DPP10: variants seen among roughly 807,000 people sequenced by gnomAD.
DPP10 encodes the protein inactive dipeptidyl peptidase 10.
Under a neutral mutation model 120.9 loss-of-function variants are expected in DPP10, and 33 were observed. That is an observed-to-expected ratio of 0.27 (90% CI 0.21 to 0.37). The LOEUF is 0.37. Among genes scored for constraint, DPP10 ranks in the 10% least tolerant of loss-of-function variants. The pLI is 1.00. For synonymous variants in DPP10, 337 were observed against 326.1 expected (o/e 1.03, Z -0.36); for missense variants, 816 against 942.8 (o/e 0.87, Z 1.76).
At chr2:115,309,041 CAGAG>C (rs1481463324) in intron 1 of DPP10, among the ~76,000 whole-genome samples, 194 bp from the exon 2 acceptor site, 2 of 151,886 alleles carry the variant, frequency 1.3e-5, no homozygotes, top group African/African-American at 2.4e-5. Flanking sequence ...GTTTATCTCA[CAGAG>C]AGAGCAGATT....
In DPP10 at chr2:115,792,844, A is replaced by G. The variant is rs530390925; in HGVS notation, c.1700+1488A>G. ...CAAGGAAGGGACATCCCTCAGGCAC[A>G]TCCTAGGCATCCCTCAGTATGTGAT... On this transcript the variant is annotated intron_variant, in intron 19 of 25. Coordinates refer to ENST00000410059, the MANE Select transcript of DPP10 (RefSeq NM_020868.6). 1.2e-4 allele frequency among the ~76,000 whole-genome samples: 18 copies of G among 152,312 alleles called. No individual in the cohort carries two copies. In the East Asian group the frequency reaches 3.5e-3, roughly 29 times the overall value.
At chr2:114,548,943 G>A (rs1330750840) in intron 1 of DPP10, among the ~76,000 whole-genome samples, 1 of 152,208 alleles carries the variant, frequency 6.6e-6, no homozygotes, top group African/African-American at 2.4e-5. Flanking sequence ...GCACTCTGAT[G>A]TGTGGCCTTA....
intron 1 of DPP10, among the ~76,000 whole-genome samples, chr2:115,206,485 T>G (rs1473000426): frequency 2.0e-5 from 3 of 152,196 alleles, no homozygotes; most frequent in Non-Finnish European, 2.9e-5. Context: ...AAACATTTGA[T>G]TTTGCTTAAA....
At chr2:115,218,274 AGGT>A (rs1339226140) in intron 1 of DPP10, among the ~76,000 whole-genome samples, 2 of 152,090 alleles carry the variant, frequency 1.3e-5, no homozygotes, top group Non-Finnish European at 2.9e-5. Flanking sequence ...AGTAGTTTTG[AGGT>A]TTTGGGAAAG....
intron 5 of DPP10, among the ~76,000 whole-genome samples, chr2:115,630,112 G>T (rs561270397): frequency 2.6e-5 from 4 of 151,970 alleles, no homozygotes; most frequent in Non-Finnish European, 4.4e-5. Flanking sequence ...CCTTGAAGAG[G>T]TCCTTCACCT....
At chr2:115,019,827 C>T (rs1702938841) in intron 1 of DPP10, among the ~76,000 whole-genome samples, 1 of 152,250 alleles carries the variant, frequency 6.6e-6, no homozygotes, top group Non-Finnish European at 1.5e-5. Flanking sequence ...TCAGCAGAAA[C>T]TCTATGAGCT....
At chr2:114,644,354 G>A (rs1695955561) in intron 1 of DPP10, among the ~76,000 whole-genome samples, 1 of 151,414 alleles carries the variant, frequency 6.6e-6, no homozygotes, top group Non-Finnish European at 1.5e-5. Flanking sequence ...GTGTGTGTGT[G>A]TGTGTGTGTG....
At chr2:115,333,571 C>T (rs62167296) in intron 2 of DPP10, among the ~76,000 whole-genome samples, 20 of 152,094 alleles carry the variant, frequency 1.3e-4, no homozygotes, top group Non-Finnish European at 2.8e-4. Flanking sequence ...CTGGTTGTTC[C>T]TTTCCATGTT....
chr2:115,268,466 C>T (rs1190070376), intron 1 of DPP10, among the ~76,000 whole-genome samples: 1 of 152,150 alleles, frequency 6.6e-6, no homozygotes, highest in East Asian at 1.9e-4. Flanking sequence ...CATGCGACTT[C>T]CTAAAATACG....
At chr2:114,873,196 G>C (rs1393966695) in intron 1 of DPP10, among the ~76,000 whole-genome samples, 1 of 152,114 alleles carries the variant, frequency 6.6e-6, no homozygotes, top group Non-Finnish European at 1.5e-5. Flanking sequence ...CTGCCTCCTG[G>C]TAATAATATT....
chr2:115,729,917 A>C (rs778753166), intron 8 of DPP10, among the ~76,000 whole-genome samples: 7 of 152,182 alleles, frequency 4.6e-5, no homozygotes, highest in Non-Finnish European at 1.0e-4. Context: ...AATTTGCAAA[A>C]ACCCACAAGT....
chr2:115,511,701 TTTCTTCTTCTTC>T (rs565620236), intron 4 of DPP10, among the ~76,000 whole-genome samples: 4 of 130,362 alleles, frequency 3.1e-5, no homozygotes, highest in Admixed American at 8.5e-5. Context: ...TTTTTTCTTC[TTTCTTCTTCTTC>T]TTCTTCTTCT....
chr2:115,603,570 G>GTTTTTTTTTTTTTTTTTTTT (rs61548055), intron 5 of DPP10, among the ~76,000 whole-genome samples: 1 of 99,294 alleles, frequency 1.0e-5, no homozygotes, highest in African/African-American at 3.2e-5. Flanking sequence ...GTTTTTTTTT[G>GTTTTTTTTTTTTTTTTTTTT]TTTTTTTTTT....
At position 115,309,309 on chromosome 2, in the gene DPP10, T is replaced by A; in HGVS notation, c.131T>A (p.Val44Asp). 6.2e-7 allele frequency: 1 copy of A among 1,613,584 alleles called. No individual in the cohort carries two copies. The highest frequency in any genetic ancestry group is 8.5e-7 in the Non-Finnish European group (1 of 1,179,650). The change falls in exon 2 of 26, where the codon GTT (valine) becomes GAT (aspartate). Residue 44 changes from valine (V) to aspartate (D), a missense_variant. This residue lies in a region of DPP10 where 182 missense variants were observed against 207.4 expected (regional missense o/e 0.88). Transcript: ENST00000410059. ...GIAIALLVIL[V>D]VCSLITMSVI... ...GCTATTGCTCTGCTGGTGATTTTAG[T>A]TGTATGCTCACTCATCACTATGTCA...
At chr2:115,099,363 C>T (rs980074909) in intron 1 of DPP10, among the ~76,000 whole-genome samples, 1 of 152,094 alleles carries the variant, frequency 6.6e-6, no homozygotes, top group Non-Finnish European at 1.5e-5. Flanking sequence ...CATGCAAATT[C>T]TTCCTTGTCC....
chr2:115,827,053 GTTTC>G (rs1468005446), intron 21 of DPP10, among the ~76,000 whole-genome samples: 1 of 151,612 alleles, frequency 6.6e-6, no homozygotes, highest in Non-Finnish European at 1.5e-5. Context: ...TCTGCTTTTA[GTTTC>G]TTTAAAATTT....
chr2:115,476,937 G>GA (rs70941065), intron 3 of DPP10, among the ~76,000 whole-genome samples: 2 of 151,938 alleles, frequency 1.3e-5, no homozygotes, highest in African/African-American at 4.8e-5. Context: ...AATTGATACA[G>GA]AAAAAATCAT....
chr2:115,204,597 G>A (rs553447121), intron 1 of DPP10, among the ~76,000 whole-genome samples: 42 of 152,240 alleles, frequency 2.8e-4, no homozygotes, highest in African/African-American at 9.6e-4. Context: ...GAGGCTCAGG[G>A]AAATGGCCTC....
chr2:114,465,638 G>C (rs1455455054), intron 1 of DPP10, among the ~76,000 whole-genome samples: 1 of 151,922 alleles, frequency 6.6e-6, no homozygotes, highest in Non-Finnish European at 1.5e-5. Flanking sequence ...AGCTTACTCT[G>C]ATTGAATATA....
Sources: allele counts gnomAD v4.1 joint callset (sites outside exome capture counted in the v4.1 genomes callset), GRCh38; gene constraint gnomAD v4.1.1; regional missense constraint gnomAD v4.1.1; transcripts MANE v1.5; gene names NCBI Gene and HGNC (gene_info 2026-07-23, HGNC 2026-07-21).